SENP7: variants seen among roughly 807,000 people sequenced by gnomAD.
SENP7 encodes the protein sentrin-specific protease 7.
In SENP7, 64 loss-of-function variants were observed where a neutral mutation model predicts 141.2. That is an observed-to-expected ratio of 0.45 (90% CI 0.37 to 0.56). SENP7 has a LOEUF of 0.56. Among genes scored for constraint, SENP7 ranks in the 20% least tolerant of loss-of-function variants. The pLI is 0.00. For missense variants in SENP7, 1,025 were observed against 1,212.2 expected (o/e 0.85, Z 2.29); for synonymous variants, 382 against 426.4 (o/e 0.90, Z 1.28).
chr3:101,366,903 C>T, intron 8 of SENP7, 134 bp from the exon 9 acceptor site: 2 of 596,716 alleles, frequency 3.4e-6, no homozygotes, highest in South Asian at 2.4e-5. Flanking sequence ...AACAATTATA[C>T]TACATTATAC....
intron 4 of SENP7, among the ~76,000 whole-genome samples, chr3:101,444,891 A>C (rs1009325901): frequency 1.3e-5 from 2 of 149,106 alleles, no homozygotes; most frequent in Non-Finnish European, 2.9e-5. Context: ...TTAAAGTATA[A>C]TAATAATAAT....
At chr3:101,449,751 G>C (rs1181533183) in intron 4 of SENP7, among the ~76,000 whole-genome samples, 1 of 152,130 alleles carries the variant, frequency 6.6e-6, no homozygotes, top group African/African-American at 2.4e-5. Context: ...ACTGGTACCA[G>C]CCACTGCAAA....
intron 6 of SENP7, among the ~76,000 whole-genome samples, chr3:101,386,246 A>C (rs2060647475): frequency 6.6e-6 from 1 of 152,138 alleles, no homozygotes; most frequent in Non-Finnish European, 1.5e-5. Context: ...CCTGGCTAAG[A>C]TGCACTCAGA....
intron 4 of SENP7, among the ~76,000 whole-genome samples, chr3:101,454,218 A>G (rs1406232420): frequency 6.6e-6 from 1 of 152,238 alleles, no homozygotes; most frequent in African/African-American, 2.4e-5. Flanking sequence ...ATGAAAACAT[A>G]TGTATGTCTA....
At chr3:101,483,253 C>T (rs1319147110) in intron 3 of SENP7, among the ~76,000 whole-genome samples, 3 of 152,170 alleles carry the variant, frequency 2.0e-5, no homozygotes, top group Non-Finnish European at 4.4e-5. Flanking sequence ...CCATGGAATG[C>T]TATGCGGCCA....
chr3:101,451,700 A>C (rs1428260353), intron 4 of SENP7, among the ~76,000 whole-genome samples: 1 of 152,236 alleles, frequency 6.6e-6, no homozygotes, highest in Non-Finnish European at 1.5e-5. Flanking sequence ...TTAGGTATTG[A>C]TGGGACGTAT....
At chr3:101,404,479 T>C (rs566308907) in intron 5 of SENP7, among the ~76,000 whole-genome samples, 13 of 152,172 alleles carry the variant, frequency 8.5e-5, no homozygotes, top group African/African-American at 3.1e-4. Flanking sequence ...GAAGAAAATT[T>C]AGGCAATACC....
Position 101,450,340 on chromosome 3 carries a change from A to C in SENP7, c.284+8615T>G, listed in dbSNP as rs868552323. ...GTTAACAAGGATATCCAGGAATTGA[A>C]CTCAGCTCTGCACCAAGCAGACCTA... On this transcript the variant is annotated intron_variant, in intron 4 of 23. Coordinates refer to ENST00000394095, the MANE Select transcript of SENP7 (RefSeq NM_020654.5). 6.8e-4 allele frequency among the ~76,000 whole-genome samples: 103 copies of C among 152,292 alleles called. 1 individual carries two copies. The highest frequency in any genetic ancestry group is 9.3e-4 in the Non-Finnish European group (63 of 68,012).
At chr3:101,426,172 T>G (rs552098043) in intron 4 of SENP7, among the ~76,000 whole-genome samples, 25 of 152,138 alleles carry the variant, frequency 1.6e-4, no homozygotes, top group Non-Finnish European at 2.9e-4. Context: ...CTGTCACCCA[T>G]GAGAACTTCC....
rs2058879687 is a variant in SENP7, at chr3:101,325,592, G to A, written c.*351C>T. The A allele has an allele frequency of 6.5e-6, 1 of 153,824 alleles. No individual in the cohort carries two copies. The highest frequency in any genetic ancestry group is 1.4e-5 in the Non-Finnish European group (1 of 68,974). The allele number at this position is 153,824 out of a possible 1,614,324, so 9.5% of individuals were successfully genotyped here. A position where few individuals can be genotyped will look rare whatever the true frequency, so the allele number is the denominator to read the frequency against. On this transcript the variant is annotated 3_prime_UTR_variant, in exon 24 of 24. Coordinates refer to ENST00000394095, the MANE Select transcript of SENP7 (RefSeq NM_020654.5). ...ACCAGGGAGGCTTTAACTCCCCTCA[G>A]CACCCAGTCACGTGGAAGTACAGAT...
intron 4 of SENP7, among the ~76,000 whole-genome samples, chr3:101,438,771 C>A (rs1473426372): frequency 6.6e-6 from 1 of 152,232 alleles, no homozygotes; most frequent in Non-Finnish European, 1.5e-5. Flanking sequence ...GATGGCTTCA[C>A]TGATGAATTC....
At chr3:101,461,581 C>G (rs2063548150) in intron 3 of SENP7, among the ~76,000 whole-genome samples, 1 of 150,810 alleles carries the variant, frequency 6.6e-6, no homozygotes, top group Admixed American at 6.6e-5. Flanking sequence ...GTAAATGGTA[C>G]AGGTACCGTA....
intron 6 of SENP7, among the ~76,000 whole-genome samples, chr3:101,394,614 G>A (rs767076242): frequency 1.6e-4 from 24 of 151,994 alleles, no homozygotes; most frequent in Middle Eastern, 3.4e-3. Flanking sequence ...CCAGGTTCAC[G>A]CCATTCTCCT....
intron 4 of SENP7, among the ~76,000 whole-genome samples, chr3:101,427,956 C>T (rs1559808726): frequency 6.7e-6 from 1 of 150,212 alleles, no homozygotes; most frequent in Admixed American, 6.7e-5. Context: ...GTTTTGTTTT[C>T]TCTTCTTGTG....
chr3:101,463,369 ATATATATATATATATATATAT>A (rs2063622350), intron 3 of SENP7, among the ~76,000 whole-genome samples: 2 of 80,590 alleles, frequency 2.5e-5, no homozygotes, highest in Non-Finnish European at 4.9e-5. Flanking sequence ...AAATAAATAT[ATATATATATATATATATATAT>A]ATATATACAT....
intron 4 of SENP7, among the ~76,000 whole-genome samples, chr3:101,452,394 C>A (rs1559849128): frequency 6.6e-6 from 1 of 152,084 alleles, no homozygotes; most frequent in Non-Finnish European, 1.5e-5. Flanking sequence ...CAAAAAAGAG[C>A]CCACATTGCC....
chr3:101,472,583 T>G (rs2064046908), intron 3 of SENP7, among the ~76,000 whole-genome samples: 2 of 152,208 alleles, frequency 1.3e-5, no homozygotes, highest in South Asian at 2.1e-4. Context: ...CAAACCAACA[T>G]GGCACATGTA....
At chr3:101,346,582 A>G (rs948527713) in intron 13 of SENP7, among the ~76,000 whole-genome samples, 1 of 152,228 alleles carries the variant, frequency 6.6e-6, no homozygotes, top group African/African-American at 2.4e-5. Context: ...AGCCATAAAA[A>G]GGAATGAATT....
chr3:101,468,529 C>T (rs1348364854), intron 3 of SENP7, among the ~76,000 whole-genome samples: 2 of 152,140 alleles, frequency 1.3e-5, no homozygotes, highest in African/African-American at 4.8e-5. Context: ...ACCCTATAAG[C>T]CAGAAGAGAG....
Sources: allele counts gnomAD v4.1 joint callset (sites outside exome capture counted in the v4.1 genomes callset), GRCh38; gene constraint gnomAD v4.1.1; transcripts MANE v1.5; gene names NCBI Gene and HGNC (gene_info 2026-07-23, HGNC 2026-07-21).